Variants in DPY19L2 observed in about 807,000 individuals in gnomAD.
The protein encoded by DPY19L2 is dpy-19 like 2.
A neutral mutation model predicts 97.9 loss-of-function variants in DPY19L2; 34 were observed. The observed-to-expected ratio is 0.35, with a 90% CI of 0.26 to 0.46. The LOEUF is 0.46. Among genes scored for constraint, DPY19L2 ranks in the 20% least tolerant of loss-of-function variants. The pLI is 1.00. For missense variants in DPY19L2, 623 were observed against 911.4 expected (o/e 0.68, Z 4.07); for synonymous variants, 230 against 307.9 (o/e 0.75, Z 2.65).
rs768123067 is a variant in DPY19L2, at chr12:63,570,821, C to T, written c.1937G>A (p.Ser646Asn). The change falls in exon 20 of 22, where the codon AGC becomes AAC. Residue 646 changes from serine (S) to asparagine (N), a missense_variant. By Grantham distance (46) the Ser-to-Asn change is conservative. This residue lies in a region of DPY19L2 where 294 missense variants were observed against 446.2 expected (regional missense o/e 0.66). Transcript: ENST00000324472. Reference protein sequence around the residue: ...VFAGAMPTMASIKLSTLHPIV... With the variant: ...VFAGAMPTMANIKLSTLHPIV... The stretch of plus-strand genomic sequence containing the variant: ...GGGATGAAGTGTAGACAGCTTGATG[C>T]TTGCCATTGTAGGCATGGCACCTGC... 5.6e-6 allele frequency: 9 copies of T among 1,611,350 alleles called. No homozygotes were observed. Among genetic ancestry groups the T allele is most frequent in the Non-Finnish European group, 7.6e-6 (9 of 1,178,986 alleles).
At chr12:63,588,745 C>CTTTTTT (rs913709153) in intron 16 of DPY19L2, among the ~76,000 whole-genome samples, 27 of 129,906 alleles carry the variant, frequency 2.1e-4, no homozygotes, top group Non-Finnish European at 2.6e-4. Flanking sequence ...AGGAAACTTT[C>CTTTTTT]TTTTTTTTTT....
At position 63,580,812 on chromosome 12, in the gene DPY19L2, C is replaced by G; in HGVS notation, c.1750G>C (p.Val584Leu). Residue 584 changes from valine to leucine, a missense_variant, in exon 19 of 22, where the codon GTT becomes CTT. By Grantham distance (32) the Val-to-Leu change is conservative (BLOSUM62 1). Coordinates refer to ENST00000324472, the MANE Select transcript of DPY19L2 (RefSeq NM_173812.5). ...CCAAAGATAACCTTCTCAAAACGAA[C>G]TCTGCGAAAAAGCCAGCCAAAGAGC... ...RQLFGWLFRRVRFEKVIFGIL... is the reference protein window; with the variant it reads ...RQLFGWLFRRLRFEKVIFGIL... 1 of 1,611,610 alleles carries G rather than the reference C, an allele frequency of 6.2e-7. No homozygotes were observed.
At chr12:63,651,613 TG>T in intron 4 of DPY19L2, 1 of 340,980 alleles carries the variant, frequency 2.9e-6, no homozygotes, top group Non-Finnish European at 5.9e-6. Flanking sequence ...TCCCGTGCCT[TG>T]CTCAGCTCCA....
intron 16 of DPY19L2, among the ~76,000 whole-genome samples, chr12:63,588,788 C>T (rs1362231485): frequency 1.5e-5 from 2 of 137,800 alleles, no homozygotes; most frequent in East Asian, 4.6e-4. Context: ...GAGTCTCACT[C>T]TGTCGCCCAG....
At chr12:63,658,286 G>A (rs1289559311) in intron 4 of DPY19L2, among the ~76,000 whole-genome samples, 3 of 152,110 alleles carry the variant, frequency 2.0e-5, no homozygotes, top group African/African-American at 7.2e-5. Context: ...CTGGAGGCCA[G>A]GAGTTTGAGA....
At chr12:63,659,143 C>T (rs1299566894) in intron 4 of DPY19L2, among the ~76,000 whole-genome samples, 1 of 152,204 alleles carries the variant, frequency 6.6e-6, no homozygotes, top group East Asian at 1.9e-4. Context: ...TCATCATGTG[C>T]ATAGAAAAAT....
chr12:63,567,869 A>T (rs889734552), intron 21 of DPY19L2, among the ~76,000 whole-genome samples: 1 of 152,058 alleles, frequency 6.6e-6, no homozygotes, highest in Admixed American at 6.5e-5. Flanking sequence ...GGGAAGTCAG[A>T]TGTTTATATA....
At chr12:63,632,756 A>C (rs1448695144) in intron 6 of DPY19L2, among the ~76,000 whole-genome samples, 2 of 152,170 alleles carry the variant, frequency 1.3e-5, no homozygotes, top group Admixed American at 1.3e-4. Context: ...CGCATCGCCA[A>C]GACAATCCTA....
At chr12:63,648,585 GC>G (rs1565837483) in intron 4 of DPY19L2, among the ~76,000 whole-genome samples, 1 of 151,962 alleles carries the variant, frequency 6.6e-6, no homozygotes, top group Non-Finnish European at 1.5e-5. Context: ...CCACCACCAT[GC>G]CTGGCTAATT....
intron 13 of DPY19L2, among the ~76,000 whole-genome samples, chr12:63,598,481 G>A (rs1884621622): frequency 6.6e-6 from 1 of 152,094 alleles, no homozygotes; most frequent in African/African-American, 2.4e-5. Context: ...AAGGCTAAAA[G>A]TAGATACCAA....
intron 7 of DPY19L2, among the ~76,000 whole-genome samples, 183 bp from the exon 8 acceptor site, chr12:63,624,314 A>G (rs911075952): frequency 2.1e-4 from 32 of 152,176 alleles, no homozygotes; most frequent in African/African-American, 6.7e-4. Context: ...GTAGACAGCA[A>G]TTAACTACCA....
chr12:63,632,866 G>C (rs1829331259), intron 6 of DPY19L2, among the ~76,000 whole-genome samples: 1 of 152,086 alleles, frequency 6.6e-6, no homozygotes, highest in African/African-American at 2.4e-5. Flanking sequence ...CCAAAACTGA[G>C]ATATAGACCA....
chr12:63,606,110 T>C (rs11531248), intron 12 of DPY19L2, among the ~76,000 whole-genome samples: 34,457 of 151,978 alleles, frequency 0.23, 4,282 homozygotes, highest in East Asian at 0.43. Flanking sequence ...AGAAATCCAA[T>C]TGATTTTTTA....
At position 63,596,044 on chromosome 12, in the gene DPY19L2, T is replaced by C. The variant is rs2078493337; in HGVS notation, c.1462-7A>G. ...TTGTGTATCTCAGCGGAGTCTGAAA[T>C]ATACCAAATTATTCAAAATGGTTAC... On this transcript the variant is annotated splice_region_variant and splice_polypyrimidine_tract_variant and intron_variant, in intron 14 of 21. Coordinates refer to ENST00000324472, the MANE Select transcript of DPY19L2 (RefSeq NM_173812.5). The C allele has an allele frequency of 6.3e-7, 1 of 1,592,450 alleles. No individual in the cohort carries two copies. The highest frequency in any genetic ancestry group is 1.7e-5 in the Admixed American group (1 of 57,158).
rs1468714521 is a variant in DPY19L2, at chr12:63,647,301, TTA to T, written c.651_652del (p.Lys218AspfsTer12). ...TATTCTGGTGACATTCCAGCAGGTC[TTA>T]GTTTCTAGTCCAAATAAATTCATTA... On this transcript the variant is annotated frameshift_variant, in exon 5 of 22. Transcript: ENST00000324472. LOFTEE classifies it high-confidence loss of function. 6.3e-7 allele frequency: 1 copy of T among 1,590,610 alleles called. No individual in the cohort carries two copies. The highest frequency in any genetic ancestry group is 8.6e-7 in the Non-Finnish European group (1 of 1,166,004).
At chr12:63,584,927 C>T (rs1314439642) in intron 16 of DPY19L2, among the ~76,000 whole-genome samples, 7 of 152,294 alleles carry the variant, frequency 4.6e-5, no homozygotes, top group Admixed American at 3.9e-4. Context: ...GCTGTTGCAT[C>T]TAAAACTGCA....
intron 12 of DPY19L2, among the ~76,000 whole-genome samples, chr12:63,607,863 G>T (rs1406612259): frequency 2.0e-5 from 3 of 151,700 alleles, no homozygotes; most frequent in Non-Finnish European, 4.4e-5. Flanking sequence ...AAACTCCTGG[G>T]CTGAAGCTCT....
At chr12:63,664,768 T>C (rs1362990431) in intron 2 of DPY19L2, among the ~76,000 whole-genome samples, 2 of 152,154 alleles carry the variant, frequency 1.3e-5, no homozygotes, top group East Asian at 1.9e-4. Context: ...AAGTTGAAAA[T>C]AAAGCAAAGT....
At chr12:63,579,847 A>C (rs1028932252) in intron 19 of DPY19L2, among the ~76,000 whole-genome samples, 2 of 152,164 alleles carry the variant, frequency 1.3e-5, no homozygotes, top group Non-Finnish European at 2.9e-5. Context: ...AAGGTTAATT[A>C]GCAAAAAAGT....
Sources: allele counts gnomAD v4.1 joint callset (sites outside exome capture counted in the v4.1 genomes callset), GRCh38; gene constraint gnomAD v4.1.1; regional missense constraint gnomAD v4.1.1; transcripts MANE v1.5; gene names NCBI Gene and HGNC (gene_info 2026-07-23, HGNC 2026-07-21).